OTUD7A: variants seen among roughly 807,000 people sequenced by gnomAD.
The protein encoded by OTUD7A is OTU domain-containing protein 7A.
OTUD7A carries 12 observed loss-of-function variants against 65.7 expected under a neutral mutation model. That is an observed-to-expected ratio of 0.18 (90% CI 0.12 to 0.30). The LOEUF is 0.30. Ranked by LOEUF, OTUD7A falls within the 10% of genes least tolerant of loss-of-function variation. The pLI, the probability that OTUD7A is intolerant of heterozygous loss-of-function variation, is 1.00. For synonymous variants in OTUD7A, 641 were observed against 586.3 expected, an observed-to-expected ratio of 1.09 and a Z score of -1.35; for missense variants, 1,148 against 1,304.8, an observed-to-expected ratio of 0.88 and a Z score of 1.85.
intron 5 of OTUD7A, among the ~76,000 whole-genome samples, chr15:31,550,165 G>A (rs1888273981): frequency 6.6e-6 from 1 of 151,344 alleles, no homozygotes. Flanking sequence ...GAAACTAGCT[G>A]GACCAGTCTG....
intron 1 of OTUD7A, among the ~76,000 whole-genome samples, chr15:31,809,869 A>G (rs902932845): frequency 4.0e-5 from 6 of 151,272 alleles, no homozygotes; most frequent in Non-Finnish European, 8.8e-5. Flanking sequence ...GATAACAGCT[A>G]CAACAATTCA....
At chr15:31,687,135 C>T (rs2141313571) in intron 1 of OTUD7A, among the ~76,000 whole-genome samples, 1 of 149,862 alleles carries the variant, frequency 6.7e-6, no homozygotes, top group South Asian at 2.1e-4. Context: ...ACATAATCTT[C>T]AAATAAAAGC....
chr15:31,868,682 C>T (rs1212342878), intron 1 of OTUD7A, among the ~76,000 whole-genome samples: 1 of 152,156 alleles, frequency 6.6e-6, no homozygotes, highest in East Asian at 1.9e-4. Context: ...AAAGGTGTCC[C>T]CTCTCCTTCT....
In OTUD7A at chr15:31,549,397, C is replaced by T. The variant is rs1016375806; in HGVS notation, c.550+9572G>A. Among the ~76,000 whole-genome samples, 151 of 152,308 alleles carry T rather than the reference C, an allele frequency of 9.9e-4. 2 individuals carry two copies. The highest frequency in any genetic ancestry group is 7.3e-5 in the Non-Finnish European group (5 of 68,030). ...TCTAAAGTGGTCCTCAGATTCCCAC[C>T]TCCTGGGGTGTACTCCTGTGTCATC... On this transcript the variant is annotated intron_variant, in intron 5 of 12. Coordinates refer to ENST00000307050, the MANE Select transcript of OTUD7A (RefSeq NM_001382637.1).
intron 1 of OTUD7A, among the ~76,000 whole-genome samples, chr15:31,854,082 G>C (rs1229267345): frequency 2.0e-5 from 3 of 152,082 alleles, no homozygotes; most frequent in Non-Finnish European, 1.5e-5. Flanking sequence ...TTATAGTTTT[G>C]AAAGTCGGAA....
chr15:31,813,038 C>T (rs941517867), intron 1 of OTUD7A, among the ~76,000 whole-genome samples: 33 of 152,194 alleles, frequency 2.2e-4, no homozygotes, highest in Admixed American at 5.9e-4. Context: ...GGAACCCAAC[C>T]CAAAACACAG....
At chr15:31,506,471 T>C (rs182714547) in intron 8 of OTUD7A, among the ~76,000 whole-genome samples, 8 of 152,338 alleles carry the variant, frequency 5.3e-5, no homozygotes, top group African/African-American at 1.7e-4. Flanking sequence ...ATAGCATTTA[T>C]ATAAACTTGA....
At chr15:31,840,432 C>G (rs1022378779) in intron 1 of OTUD7A, among the ~76,000 whole-genome samples, 2 of 151,412 alleles carry the variant, frequency 1.3e-5, no homozygotes, top group Admixed American at 1.3e-4. Context: ...AGCAAGACTT[C>G]GTCTCAAAAA....
At chr15:31,528,529 T>C (rs2042045274) in intron 6 of OTUD7A, among the ~76,000 whole-genome samples, 1 of 152,266 alleles carries the variant, frequency 6.6e-6, no homozygotes, top group Non-Finnish European at 1.5e-5. Context: ...AGCCCAGGCC[T>C]GCCACAGGCT....
At chr15:31,788,270 C>T (rs1331907456) in intron 1 of OTUD7A, among the ~76,000 whole-genome samples, 1 of 152,108 alleles carries the variant, frequency 6.6e-6, no homozygotes, top group East Asian at 1.9e-4. Context: ...GTCATCATGC[C>T]AAAGGACTCT....
At chr15:31,600,141 A>C (rs1014749041) in intron 3 of OTUD7A, among the ~76,000 whole-genome samples, 12 of 152,180 alleles carry the variant, frequency 7.9e-5, no homozygotes, top group African/African-American at 2.2e-4. Flanking sequence ...AATACAGAGA[A>C]CACCACAAAG....
At chr15:31,548,215 G>A (rs560908363) in intron 5 of OTUD7A, among the ~76,000 whole-genome samples, 2 of 67,142 alleles carry the variant, frequency 3.0e-5, no homozygotes, top group South Asian at 8.7e-4. Context: ...TCATCTGTGG[G>A]CGCCCTGGGC....
Position 31,478,457 on chromosome 15 carries a change from G to C in OTUD7A, c.*4837C>G, listed in dbSNP as rs1224940473. On this transcript the variant is annotated 3_prime_UTR_variant, in exon 13 of 13. Transcript: ENST00000307050. Reference sequence around the variant, plus strand: ...TTAGTGAGGCCCCCTTTTTTGGCAAGATTAAAATAGCAAAAATGCAATTTT... The same window carrying C: ...TTAGTGAGGCCCCCTTTTTTGGCAACATTAAAATAGCAAAAATGCAATTTT... 1 of 152,084 alleles carries C rather than the reference G, an allele frequency of 6.6e-6. No homozygotes were observed. Among genetic ancestry groups the C allele is most frequent in the Admixed American group, 6.5e-5 (1 of 15,276 alleles). 9.4% of individuals were successfully genotyped at this position (152,084 alleles called of 1,614,324 possible).
chr15:31,499,204 G>A (rs976959078), intron 10 of OTUD7A, among the ~76,000 whole-genome samples: 1 of 152,168 alleles, frequency 6.6e-6, no homozygotes, highest in African/African-American at 2.4e-5. Context: ...TCATTTCCAG[G>A]CTCTCAAAGC....
At chr15:31,669,778 C>T (rs1371093027) in intron 1 of OTUD7A, among the ~76,000 whole-genome samples, 1 of 152,046 alleles carries the variant, frequency 6.6e-6, no homozygotes, top group Non-Finnish European at 1.5e-5. Context: ...TGGTGCCAGG[C>T]AGGAATGGCC....
chr15:31,535,637 T>C (rs116274136), intron 5 of OTUD7A, among the ~76,000 whole-genome samples: 2,851 of 150,900 alleles, frequency 0.019, 92 homozygotes, highest in African/African-American at 0.066. Context: ...GTCTCTGAAA[T>C]AAATAGCCAT....
intron 3 of OTUD7A, among the ~76,000 whole-genome samples, chr15:31,584,381 G>A (rs566658561): frequency 6.6e-6 from 1 of 152,312 alleles, no homozygotes; most frequent in Admixed American, 6.5e-5. Flanking sequence ...GAACACTTAA[G>A]TGGTTTTTGA....
chr15:31,725,559 A>G (rs570412852), intron 1 of OTUD7A, among the ~76,000 whole-genome samples: 2 of 152,330 alleles, frequency 1.3e-5, no homozygotes, highest in African/African-American at 4.8e-5. Context: ...GACTGAATCA[A>G]ATATTCAGTG....
At chr15:31,676,596 G>A (rs1281195366) in intron 1 of OTUD7A, among the ~76,000 whole-genome samples, 3 of 152,160 alleles carry the variant, frequency 2.0e-5, no homozygotes, top group Admixed American at 2.0e-4. Context: ...ATGAGGGACG[G>A]GTCAAGAGAA....
Sources: gnomAD v4.1 joint callset for allele counts (sites outside exome capture counted in the v4.1 genomes callset) on GRCh38, gnomAD v4.1.1 for gene constraint, MANE v1.5 for transcripts, NCBI Gene and HGNC (gene_info 2026-07-23, HGNC 2026-07-21) for gene names.